The following PDILT variants were observed in gnomAD, a reference collection of about 807,000 sequenced individuals.
PDILT encodes the protein protein disulfide isomerase like, testis expressed, also known as protein disulfide-isomerase-like protein of the testis.
PDILT carries 43 observed loss-of-function variants against 53.7 expected under a neutral mutation model. The observed-to-expected ratio is 0.80, with a 90% CI of 0.63 to 1.03. The LOEUF is 1.03. Among genes scored for constraint, PDILT ranks in the 50% least tolerant of loss-of-function variants. The pLI is 0.00. For missense variants in PDILT, 727 were observed against 712.3 expected, an observed-to-expected ratio of 1.02 and a Z score of -0.24; for synonymous variants, 282 against 274.2, an observed-to-expected ratio of 1.03 and a Z score of -0.28.
intron 2 of PDILT, 58 bp downstream of exon 2, chr16:20,399,041 C>A (rs1966695754): frequency 4.4e-6 from 7 of 1,590,500 alleles, no homozygotes; most frequent in Non-Finnish European, 6.0e-6. Flanking sequence ...GGTCCCCACA[C>A]ACAAGGAGGC....
At chr16:20,400,762 C>A (rs1966730382) in intron 1 of PDILT, among the ~76,000 whole-genome samples, 1 of 152,072 alleles carries the variant, frequency 6.6e-6, no homozygotes, top group Non-Finnish European at 1.5e-5. Flanking sequence ...TGAATCCATT[C>A]TGGGAATCAT....
rs753349500 is a variant in PDILT, at chr16:20,399,274, C to T, written c.27G>A (p.Leu9=). 6.2e-7 allele frequency: 1 copy of T among 1,614,078 alleles called. No individual in the cohort carries two copies. The highest frequency in any genetic ancestry group is 1.7e-5 in the Admixed American group (1 of 60,038). The change falls in exon 2 of 12, where the codon CTG becomes CTA. Residue 9 remains leucine, a synonymous_variant. Transcript: ENST00000302451. ...CAGCAGAGACACAAGCGGCCACCAG[C>T]AGCAGGGGCATCCAGAGTAGGTCCA... MDLLWMPL[L]LVAACVSAVH... is the part of the protein sequence containing the mutation.
rs150933118 is a variant in PDILT, at chr16:20,388,591, C to T, written c.203-3740G>A. On this transcript the variant is annotated intron_variant, in intron 2 of 11. Transcript: ENST00000302451. ...ACGCCACTCTTTAAAATTTAGAGTC[C>T]GATTTTCTGGCTTCTTTCTTTAAAA... Among the ~76,000 whole-genome samples, 412 of 152,276 alleles carry T rather than the reference C, an allele frequency of 2.7e-3. 8 individuals carry two copies. In the South Asian group the frequency reaches 0.04, roughly 15 times the overall value.
At chr16:20,381,224 G>C (rs1470831889) in intron 3 of PDILT, among the ~76,000 whole-genome samples, 3 of 152,224 alleles carry the variant, frequency 2.0e-5, no homozygotes, top group African/African-American at 7.2e-5. Flanking sequence ...TCCCACCAGT[G>C]TCCTAAGAGG....
At chr16:20,387,928 GA>G (rs1441113647) in intron 2 of PDILT, among the ~76,000 whole-genome samples, 3 of 152,206 alleles carry the variant, frequency 2.0e-5, no homozygotes, top group Non-Finnish European at 4.4e-5. Context: ...AAGGGAAAGA[GA>G]AAGGATGCAG....
chr16:20,379,886 T>C (rs964135842), intron 3 of PDILT, among the ~76,000 whole-genome samples: 1 of 152,180 alleles, frequency 6.6e-6, no homozygotes, highest in Non-Finnish European at 1.5e-5. Flanking sequence ...TTCCCTCCTC[T>C]GAGATATCAG....
intron 7 of PDILT, 127 bp downstream of exon 7, chr16:20,372,675 G>T: frequency 9.1e-7 from 1 of 1,098,796 alleles, no homozygotes; most frequent in Non-Finnish European, 1.3e-6. Flanking sequence ...AAAACTGACA[G>T]GCAATTGCAA....
intron 8 of PDILT, among the ~76,000 whole-genome samples, chr16:20,369,119 C>A (rs975366511): frequency 1.3e-5 from 2 of 152,198 alleles, no homozygotes; most frequent in African/African-American, 4.8e-5. Flanking sequence ...CTCCATCTCC[C>A]TTCTCCTCCT....
chr16:20,359,233 A>G lies in PDILT; in HGVS notation c.*86T>C, dbSNP rs1382529583. ...CCGCCCCACCTACCCTACCACAATG[A>G]TATATGCTTTTATTGGAATCAATCC... On this transcript the variant is annotated 3_prime_UTR_variant, in exon 12 of 12. Coordinates refer to ENST00000302451, the MANE Select transcript of PDILT (RefSeq NM_174924.2). 2 of 1,531,430 alleles carry G rather than the reference A, an allele frequency of 1.3e-6. No individual in the cohort carries two copies. Among genetic ancestry groups the G allele is most frequent in the Non-Finnish European group, 1.8e-6 (2 of 1,131,104 alleles). 94.9% of individuals were successfully genotyped at this position (1,531,430 alleles called of 1,614,324 possible).
At chr16:20,396,878 A>G (rs564656867) in intron 2 of PDILT, among the ~76,000 whole-genome samples, 37 of 145,050 alleles carry the variant, frequency 2.6e-4, no homozygotes, top group Middle Eastern at 7.4e-3. Context: ...TAAGAACCCA[A>G]TGGTGATAGC....
intron 2 of PDILT, 59 bp from the exon 3 acceptor site, chr16:20,384,910 T>TTGG: frequency 1.3e-6 from 2 of 1,526,292 alleles, no homozygotes; most frequent in Non-Finnish European, 1.8e-6. Flanking sequence ...TCTCCAACAG[T>TTGG]AGATTATTTG....
chr16:20,384,718 C>T lies in PDILT; in HGVS notation c.336G>A (p.Glu112=). 1 of 1,614,214 alleles carries T rather than the reference C, an allele frequency of 6.2e-7. No homozygotes were observed. The highest frequency in any genetic ancestry group is 8.5e-7 in the Non-Finnish European group (1 of 1,180,036). ...DITIEKELQQ[E]FGITKAPELK... ...ACTCCGGGGCCTTGGTAATCCCAAA[C>T]TCCTGCTGAAGCTCCTTCTCTATGG... is the stretch of plus-strand genomic sequence containing the variant. Residue 112 remains glutamate (E), a synonymous_variant, in exon 3 of 12, where the codon GAG becomes GAA. Transcript: ENST00000302451.
intron 8 of PDILT, among the ~76,000 whole-genome samples, chr16:20,367,092 TTTCTTTC>T (rs1567320969): frequency 5.2e-5 from 6 of 115,924 alleles, no homozygotes; most frequent in African/African-American, 2.2e-4. Context: ...TCTTTCTTTC[TTTCTTTC>T]TTTCTTCCTT....
intron 2 of PDILT, among the ~76,000 whole-genome samples, chr16:20,387,027 C>T (rs1966548362): frequency 6.6e-6 from 1 of 152,112 alleles, no homozygotes; most frequent in African/African-American, 2.4e-5. Flanking sequence ...ATTGATGGGG[C>T]CTATGATAAT....
At chr16:20,379,931 C>T (rs1186657594) in intron 3 of PDILT, among the ~76,000 whole-genome samples, 1 of 152,172 alleles carries the variant, frequency 6.6e-6, no homozygotes, top group Non-Finnish European at 1.5e-5. Context: ...TGTTTCCAGC[C>T]ATCTTTAGGT....
chr16:20,368,777 G>A (rs1003432470), intron 8 of PDILT, among the ~76,000 whole-genome samples: 6 of 151,984 alleles, frequency 3.9e-5, no homozygotes, highest in Non-Finnish European at 8.8e-5. Context: ...TAAATTTTTT[G>A]TCAAGATGTG....
At chr16:20,366,192 G>A (rs776536392) in intron 8 of PDILT, among the ~76,000 whole-genome samples, 4 of 151,848 alleles carry the variant, frequency 2.6e-5, no homozygotes, top group Non-Finnish European at 5.9e-5. Context: ...ACTTTGATTG[G>A]TTCCTGCAAT....
At chr16:20,395,978 T>G (rs890125783) in intron 2 of PDILT, among the ~76,000 whole-genome samples, 6 of 152,328 alleles carry the variant, frequency 3.9e-5, no homozygotes, top group African/African-American at 1.4e-4. Context: ...GCCTCAGGTA[T>G]TCCTTTGTAG....
At chr16:20,399,882 A>G (rs1473226727) in intron 1 of PDILT, among the ~76,000 whole-genome samples, 1 of 152,176 alleles carries the variant, frequency 6.6e-6, no homozygotes, top group East Asian at 1.9e-4. Flanking sequence ...AAGCAATACA[A>G]TACAAATGTC....
Sources: gnomAD v4.1 joint callset for allele counts (sites outside exome capture counted in the v4.1 genomes callset) on GRCh38, gnomAD v4.1.1 for gene constraint, MANE v1.5 for transcripts, NCBI Gene and HGNC (gene_info 2026-07-23, HGNC 2026-07-21) for gene names.